ZRANB3: variants seen among roughly 807,000 people sequenced by gnomAD.
The protein encoded by ZRANB3 is DNA annealing helicase and endonuclease ZRANB3.
Under a neutral mutation model 133.8 loss-of-function variants are expected in ZRANB3, and 125 were observed. The observed-to-expected ratio is 0.93, with a 90% CI of 0.81 to 1.08. ZRANB3 has a LOEUF of 1.08. Among genes scored for constraint, ZRANB3 ranks in the 50% least tolerant of loss-of-function variants. The pLI is 0.00. For synonymous variants in ZRANB3, 387 were observed against 432.7 expected (o/e 0.89, Z 1.31); for missense variants, 1,229 against 1,275.5 (o/e 0.96, Z 0.56).
intron 2 of ZRANB3, among the ~76,000 whole-genome samples, chr2:135,427,262 AAG>A (rs1401966570): frequency 6.6e-6 from 1 of 152,114 alleles, no homozygotes. Flanking sequence ...TAGGAAGAGA[AAG>A]AGTCAAACTA....
rs1341784880 is a variant in ZRANB3 at position 135,416,775 on chromosome 2, A to G, written c.162-25955T>C. Among the ~76,000 whole-genome samples the G allele has an allele frequency of 3.3e-5, 5 of 152,352 alleles. No homozygotes were observed. The South Asian group carries it at 6.2e-4, about 19-fold the overall frequency. ...CCAAAACAGAGATATAGATCAATGGAAGAGAACAGAGCCCTCAGAAATAAC... is the reference window on the plus strand; with the variant it reads ...CCAAAACAGAGATATAGATCAATGGGAGAGAACAGAGCCCTCAGAAATAAC... On this transcript the variant is annotated intron_variant, in intron 2 of 20. Transcript: ENST00000264159.
At chr2:135,416,675 A>C (rs1484144591) in intron 2 of ZRANB3, among the ~76,000 whole-genome samples, 1 of 151,514 alleles carries the variant, frequency 6.6e-6, no homozygotes, top group African/African-American at 2.4e-5. Flanking sequence ...AAAAGAACAA[A>C]GCTGGAGGCA....
intron 12 of ZRANB3, among the ~76,000 whole-genome samples, chr2:135,252,410 A>G (rs1679442144): frequency 6.6e-6 from 1 of 152,232 alleles, no homozygotes; most frequent in South Asian, 2.1e-4. Context: ...CATGACATCA[A>G]AAGTAGTATA....
At chr2:135,420,091 T>TTA (rs201217358) in intron 2 of ZRANB3, among the ~76,000 whole-genome samples, 6,598 of 72,066 alleles carry the variant, frequency 0.092, 231 homozygotes, top group East Asian at 0.19. Flanking sequence ...TATCTTAGAT[T>TTA]TATATATATA....
chr2:135,233,299 G>C (rs754993082), intron 12 of ZRANB3, among the ~76,000 whole-genome samples: 7 of 152,192 alleles, frequency 4.6e-5, no homozygotes, highest in Non-Finnish European at 8.8e-5. Context: ...CATGTGAAAA[G>C]ATCAAATCTA....
At chr2:135,462,831 G>A (rs951253652) in intron 2 of ZRANB3, among the ~76,000 whole-genome samples, 1 of 152,086 alleles carries the variant, frequency 6.6e-6, no homozygotes, top group African/African-American at 2.4e-5. Context: ...GACCTCAGGT[G>A]ATCCACCTGC....
At chr2:135,233,231 G>C (rs913174990) in intron 12 of ZRANB3, among the ~76,000 whole-genome samples, 1 of 152,152 alleles carries the variant, frequency 6.6e-6, no homozygotes, top group Non-Finnish European at 1.5e-5. Flanking sequence ...AGCGAGCAGA[G>C]AAATTTAGAG....
chr2:135,236,921 A>C (rs1301968060), intron 12 of ZRANB3, among the ~76,000 whole-genome samples: 1 of 152,236 alleles, frequency 6.6e-6, no homozygotes, highest in Non-Finnish European at 1.5e-5. Context: ...AATGGCAACA[A>C]AAGCCAAAAT....
intron 6 of ZRANB3, among the ~76,000 whole-genome samples, chr2:135,324,376 C>A (rs1406170686): frequency 6.6e-6 from 1 of 152,064 alleles, no homozygotes; most frequent in Non-Finnish European, 1.5e-5. Context: ...ATGATGGTTT[C>A]CAGCTTCATC....
intron 12 of ZRANB3, among the ~76,000 whole-genome samples, chr2:135,251,037 C>T (rs1428683665): frequency 6.6e-6 from 1 of 152,168 alleles, no homozygotes; most frequent in African/African-American, 2.4e-5. Flanking sequence ...GGAGGCTGTA[C>T]CCTACAATGC....
intron 2 of ZRANB3, among the ~76,000 whole-genome samples, chr2:135,498,394 G>C (rs978074121): frequency 9.2e-5 from 14 of 152,154 alleles, no homozygotes; most frequent in African/African-American, 3.4e-4. Context: ...AAATTGTGAA[G>C]ATTTCATGGA....
chr2:135,371,626 AT>A (rs1305035377), intron 3 of ZRANB3, among the ~76,000 whole-genome samples: 1 of 152,254 alleles, frequency 6.6e-6, no homozygotes, highest in African/African-American at 2.4e-5. Context: ...AATCAATTGC[AT>A]TTGTACTCTG....
intron 12 of ZRANB3, among the ~76,000 whole-genome samples, chr2:135,246,676 C>T (rs1695816971): frequency 6.6e-6 from 1 of 152,174 alleles, no homozygotes; most frequent in African/African-American, 2.4e-5. Flanking sequence ...GATAGAAGAA[C>T]ATATTCCTCT....
intron 12 of ZRANB3, among the ~76,000 whole-genome samples, chr2:135,261,239 G>A (rs1261895828): frequency 6.6e-6 from 1 of 152,058 alleles, no homozygotes; most frequent in East Asian, 1.9e-4. Context: ...GAAAATTCCC[G>A]TTGGAAATGC....
intron 11 of ZRANB3, 116 bp downstream of exon 11, chr2:135,268,846 A>T: frequency 2.1e-6 from 2 of 969,488 alleles, no homozygotes; most frequent in South Asian, 1.7e-5. Context: ...TATCATCATT[A>T]TCTTGATGTG....
At chr2:135,279,221 A>C (rs1680983818) in intron 8 of ZRANB3, among the ~76,000 whole-genome samples, 1 of 152,202 alleles carries the variant, frequency 6.6e-6, no homozygotes. Context: ...AAAAGGAGGC[A>C]TTTCAAAACT....
At chr2:135,226,627 T>G (rs575587390) in intron 14 of ZRANB3, among the ~76,000 whole-genome samples, 9 of 152,308 alleles carry the variant, frequency 5.9e-5, no homozygotes, top group South Asian at 4.1e-4. Flanking sequence ...AGCTAACATG[T>G]TTTTATCAAG....
chr2:135,275,725 T>C lies in ZRANB3; in HGVS notation c.997A>G (p.Met333Val), dbSNP rs533959448. The change falls in exon 9 of 21, where the codon ATG becomes GTG. Residue 333 changes from methionine to valine, a missense_variant. Met to Val is a conservative substitution (Grantham distance 21). Transcript: ENST00000264159. ...AATTTAAGCGAATCATTCTGAAGCATCATCTTAATATAATCCTTTACAGCA... is the reference window on the plus strand; with the variant it reads ...AATTTAAGCGAATCATTCTGAAGCACCATCTTAATATAATCCTTTACAGCA... ...AGAVKDYIKM[M>V]LQNDSLKFLV... The C allele has an allele frequency of 1.9e-6, 3 of 1,601,164 alleles. No homozygotes were observed. Among genetic ancestry groups the C allele is most frequent in the Non-Finnish European group, 2.6e-6 (3 of 1,172,728 alleles).
chr2:135,511,606 A>G, intron 1 of ZRANB3: 1 of 812,404 alleles, frequency 1.2e-6, no homozygotes, highest in Non-Finnish European at 2.2e-6. Context: ...AGGAGCAAGT[A>G]CGAACATCTG....
Sources: allele counts gnomAD v4.1 joint callset (sites outside exome capture counted in the v4.1 genomes callset), GRCh38; gene constraint gnomAD v4.1.1; transcripts MANE v1.5; gene names NCBI Gene and HGNC (gene_info 2026-07-23, HGNC 2026-07-21).